The following WDFY2 variants were observed in gnomAD, a reference collection of about 807,000 sequenced individuals.
The protein encoded by WDFY2 is WD repeat and FYVE domain-containing protein 2.
In WDFY2, 36 loss-of-function variants were observed where a neutral mutation model predicts 56.4. The ratio of observed to expected loss-of-function variants is 0.64; its 90% CI spans 0.49 to 0.84. WDFY2 has a LOEUF of 0.84. WDFY2 is among the 40% of genes least tolerant of loss of function. WDFY2 has a pLI of 0.00. For synonymous variants in WDFY2, 176 were observed against 183.7 expected (o/e 0.96, Z 0.34); for missense variants, 444 against 512.2 (o/e 0.87, Z 1.29).
intron 1 of WDFY2, among the ~76,000 whole-genome samples, chr13:51,622,009 TGAGA>T (rs1954738542): frequency 6.6e-6 from 1 of 152,180 alleles, no homozygotes; most frequent in East Asian, 1.9e-4. Context: ...AGTGTGTGTG[TGAGA>T]GAGAGAAGGG....
intron 3 of WDFY2, among the ~76,000 whole-genome samples, chr13:51,680,052 G>A (rs1955952242): frequency 6.6e-6 from 1 of 152,282 alleles, no homozygotes; most frequent in East Asian, 1.9e-4. Context: ...AGCCTCTGGA[G>A]TAGATAGGAC....
intron 1 of WDFY2, among the ~76,000 whole-genome samples, 177 bp from the exon 2 acceptor site, chr13:51,660,419 C>T (rs1296802187): frequency 6.6e-6 from 1 of 151,358 alleles, no homozygotes; most frequent in Non-Finnish European, 1.5e-5. Context: ...AGGCTGGTCT[C>T]GAACTCCTGA....
intron 1 of WDFY2, among the ~76,000 whole-genome samples, chr13:51,621,117 C>G (rs1467676689): frequency 6.6e-6 from 1 of 152,232 alleles, no homozygotes; most frequent in Non-Finnish European, 1.5e-5. Flanking sequence ...CCCCTTCCTG[C>G]ATTTCTGCTG....
intron 1 of WDFY2, among the ~76,000 whole-genome samples, chr13:51,634,119 A>T (rs1446612565): frequency 6.6e-6 from 1 of 152,248 alleles, no homozygotes; most frequent in African/African-American, 2.4e-5. Context: ...GGACATGAGG[A>T]TAATCCCAAT....
chr13:51,584,467 G>C lies in WDFY2; in HGVS notation c.-221G>C, dbSNP rs1953892760. The C allele has an allele frequency of 3.5e-6, 2 of 574,456 alleles. No individual in the cohort carries two copies. The highest frequency in any genetic ancestry group is 3.9e-5 in the African/African-American group (2 of 51,190). The allele number at this position is 574,456 out of a possible 1,614,324, so 35.6% of individuals were successfully genotyped here. Reference sequence around the variant, plus strand: ...GCGCTCCGCCCCCTCCTCTTGTAGTGGCGCCGGCTTGCATCCCAGGTCGTG... The same window carrying C: ...GCGCTCCGCCCCCTCCTCTTGTAGTCGCGCCGGCTTGCATCCCAGGTCGTG... On this transcript the variant is annotated 5_prime_UTR_variant, in exon 1 of 12. Transcript: ENST00000298125.
At chr13:51,698,796 TGG>T (rs1163806571) in intron 3 of WDFY2, among the ~76,000 whole-genome samples, 2 of 152,232 alleles carry the variant, frequency 1.3e-5, no homozygotes, top group African/African-American at 4.8e-5. Flanking sequence ...CATAATGCCA[TGG>T]TTGTTTGTTA....
At chr13:51,682,633 A>G (rs1042962373) in intron 3 of WDFY2, among the ~76,000 whole-genome samples, 2 of 152,196 alleles carry the variant, frequency 1.3e-5, no homozygotes, top group African/African-American at 4.8e-5. Context: ...CAGTTTCCTT[A>G]TCTGTAAAAT....
intron 1 of WDFY2, among the ~76,000 whole-genome samples, chr13:51,604,925 T>C (rs184840091): frequency 9.7e-4 from 147 of 152,276 alleles, no homozygotes; most frequent in African/African-American, 3.2e-3. Flanking sequence ...AGAGCAAGGA[T>C]TGGGTCAGAT....
chr13:51,639,389 A>G (rs1439640950), intron 1 of WDFY2, among the ~76,000 whole-genome samples: 1 of 152,216 alleles, frequency 6.6e-6, no homozygotes, highest in Non-Finnish European at 1.5e-5. Context: ...GTTTTCCAAG[A>G]TAACATGAGA....
intron 4 of WDFY2, among the ~76,000 whole-genome samples, chr13:51,716,384 A>G (rs1336967831): frequency 6.6e-6 from 1 of 152,206 alleles, no homozygotes; most frequent in African/African-American, 2.4e-5. Context: ...TTTTATCTCA[A>G]TACAAAATTT....
At position 51,601,471 on chromosome 13, in the gene WDFY2, A is replaced by G. The variant is rs190609580; in HGVS notation, c.137+16647A>G. 5.3e-5 allele frequency among the ~76,000 whole-genome samples: 8 copies of G among 151,396 alleles called. No homozygotes were observed. In the East Asian group the frequency reaches 9.7e-4, roughly 18 times the overall value. On this transcript the variant is annotated intron_variant, in intron 1 of 11. Coordinates refer to ENST00000298125, the MANE Select transcript of WDFY2 (RefSeq NM_052950.4). ...CTTTTGTCGCCCAGGCTGGAGTGCA[A>G]TGGCGCAATCTTGGCTCACTGCAAC...
chr13:51,721,433 TAAA>T (rs1952487883), intron 5 of WDFY2, among the ~76,000 whole-genome samples: 1 of 152,040 alleles, frequency 6.6e-6, no homozygotes, highest in South Asian at 2.1e-4. Context: ...TATTTGAAAA[TAAA>T]AAACAAATGG....
At chr13:51,723,466 T>C (rs1952535515) in intron 5 of WDFY2, among the ~76,000 whole-genome samples, 6 of 151,938 alleles carry the variant, frequency 3.9e-5, no homozygotes, top group Admixed American at 3.9e-4. Context: ...CCCCCTTCAC[T>C]TTTTTTTAAT....
At chr13:51,591,999 G>C (rs181547315) in intron 1 of WDFY2, 2 of 146,736 alleles carry the variant, frequency 1.4e-5, no homozygotes, top group Admixed American at 6.8e-5. Flanking sequence ...AGGAATGTTG[G>C]GGGGAGGGGG....
At chr13:51,723,061 A>G (rs1042966239) in intron 5 of WDFY2, among the ~76,000 whole-genome samples, 1 of 152,192 alleles carries the variant, frequency 6.6e-6, no homozygotes, top group East Asian at 1.9e-4. Context: ...TGTTCAGGTA[A>G]AGAGTTCTGA....
chr13:51,750,670 G>A (rs969432552), intron 7 of WDFY2, among the ~76,000 whole-genome samples: 2 of 152,128 alleles, frequency 1.3e-5, no homozygotes, highest in African/African-American at 4.8e-5. Context: ...CGCCAAGAGG[G>A]AATAACTTGT....
chr13:51,681,883 C>T (rs1468991106), intron 3 of WDFY2, among the ~76,000 whole-genome samples: 1 of 152,176 alleles, frequency 6.6e-6, no homozygotes, highest in African/African-American at 2.4e-5. Flanking sequence ...CTCTCAAAAA[C>T]TAACCTTCTC....
At chr13:51,672,138 A>G (rs1044809014) in intron 2 of WDFY2, among the ~76,000 whole-genome samples, 2 of 152,130 alleles carry the variant, frequency 1.3e-5, no homozygotes, top group African/African-American at 4.8e-5. Flanking sequence ...CAATGCCTAG[A>G]AAGGTTTTCC....
chr13:51,654,880 A>G (rs571772042), intron 1 of WDFY2, among the ~76,000 whole-genome samples: 3 of 152,236 alleles, frequency 2.0e-5, no homozygotes, highest in African/African-American at 7.2e-5. Context: ...AGATTTATCA[A>G]TTGCCTTCAA....
Sources: gnomAD v4.1 joint callset for allele counts (sites outside exome capture counted in the v4.1 genomes callset) on GRCh38, gnomAD v4.1.1 for gene constraint, MANE v1.5 for transcripts, NCBI Gene and HGNC (gene_info 2026-07-23, HGNC 2026-07-21) for gene names.